Variants in MGAT4C observed in about 807,000 individuals in gnomAD.
MGAT4C encodes MGAT4 family member C, also known as alpha-1,3-mannosyl-glycoprotein 4-beta-N-acetylglucosaminyltransferase C.
Under a neutral mutation model 40.1 loss-of-function variants are expected in MGAT4C, and 19 were observed. That is an observed-to-expected ratio of 0.47 (90% CI 0.33 to 0.70). The LOEUF is 0.70. Ranked by LOEUF, MGAT4C falls within the 30% of genes least tolerant of loss-of-function variation. The pLI is 0.02. For synonymous variants in MGAT4C, 181 were observed against 187.1 expected (o/e 0.97, Z 0.27); for missense variants, 491 against 563.2 (o/e 0.87, Z 1.30).
At chr12:86,620,140 A>G (rs1310968440) in intron 2 of MGAT4C, among the ~76,000 whole-genome samples, 1 of 152,178 alleles carries the variant, frequency 6.6e-6, no homozygotes, top group African/African-American at 2.4e-5. Context: ...ACCTCTATGG[A>G]AAACAGTATG....
chr12:86,372,001 AT>A (rs928470710), intron 3 of MGAT4C, among the ~76,000 whole-genome samples: 45 of 151,180 alleles, frequency 3.0e-4, no homozygotes, highest in African/African-American at 1.0e-3. Flanking sequence ...GTTAATGAAG[AT>A]TTTTTTTTCA....
chr12:85,993,675 T>G (rs528279687), intron 2 of MGAT4C, among the ~76,000 whole-genome samples: 164 of 152,124 alleles, frequency 1.1e-3, no homozygotes, highest in Non-Finnish European at 2.0e-3. Flanking sequence ...TGGGACCAGA[T>G]GGTACTTTGG....
chr12:86,607,421 T>G (rs1365423017), intron 2 of MGAT4C, among the ~76,000 whole-genome samples: 1 of 152,136 alleles, frequency 6.6e-6, no homozygotes, highest in Non-Finnish European at 1.5e-5. Context: ...AGAATTAAAG[T>G]TACTCCTGTA....
intron 2 of MGAT4C, among the ~76,000 whole-genome samples, chr12:86,450,079 G>T (rs1252000836): frequency 6.6e-6 from 1 of 151,842 alleles, no homozygotes; most frequent in African/African-American, 2.4e-5. Context: ...TCTCATTTTT[G>T]CCCTATTTAT....
chr12:86,743,116 A>ATC (rs1555224674), intron 1 of MGAT4C, among the ~76,000 whole-genome samples: 2 of 144,486 alleles, frequency 1.4e-5, no homozygotes, highest in African/African-American at 5.1e-5. Flanking sequence ...GTGTGTATGC[A>ATC]TGTGTGTGTG....
At chr12:86,143,545 G>A (rs909111441) in intron 1 of MGAT4C, among the ~76,000 whole-genome samples, 2 of 152,088 alleles carry the variant, frequency 1.3e-5, no homozygotes, top group Admixed American at 1.3e-4. Context: ...AAAAATTTAC[G>A]CTTAGGGTAT....
At chr12:86,656,322 A>G (rs956769739) in intron 2 of MGAT4C, among the ~76,000 whole-genome samples, 5 of 152,174 alleles carry the variant, frequency 3.3e-5, no homozygotes, top group African/African-American at 1.2e-4. Flanking sequence ...TAACAATAAA[A>G]ACATTTTGAA....
At chr12:86,371,693 T>C (rs995208597) in intron 3 of MGAT4C, among the ~76,000 whole-genome samples, 1 of 152,116 alleles carries the variant, frequency 6.6e-6, no homozygotes, top group Non-Finnish European at 1.5e-5. Context: ...ATTTCTAGAC[T>C]GTGTTTCACT....
chr12:86,831,631 T>C (rs530506981), intron 1 of MGAT4C, among the ~76,000 whole-genome samples: 8 of 151,970 alleles, frequency 5.3e-5, no homozygotes. Context: ...TACGTAGTTA[T>C]CCAGGTGTCC....
Position 85,974,771 on chromosome 12 carries a change from A to T in MGAT4C, c.*4518T>A, listed in dbSNP as rs555593577. On this transcript the variant is annotated 3_prime_UTR_variant, in exon 5 of 5. Coordinates refer to ENST00000611864, the MANE Select transcript of MGAT4C (RefSeq NM_001351288.2). ...TCCTAAAAAGAATAACCCCAATCTGAACAAAGAAATTCAAAGTAATGGAAA... is the reference window on the plus strand; with the variant it reads ...TCCTAAAAAGAATAACCCCAATCTGTACAAAGAAATTCAAAGTAATGGAAA... 2.0e-5 allele frequency: 3 copies of T among 150,796 alleles called. No individual in the cohort carries two copies. In the East Asian group the frequency reaches 5.8e-4, roughly 29 times the overall value. The allele number at this position is 150,796 out of a possible 1,614,324, so 9.3% of individuals were successfully genotyped here. A position where few individuals can be genotyped will look rare whatever the true frequency, so the allele number is the denominator to read the frequency against.
chr12:86,073,770 G>A (rs9669304), intron 1 of MGAT4C, among the ~76,000 whole-genome samples: 1 of 152,132 alleles, frequency 6.6e-6, no homozygotes, highest in Non-Finnish European at 1.5e-5. Flanking sequence ...TAACTAGCTT[G>A]CTTTTGATAT....
chr12:86,803,878 A>G (rs1253729819), intron 1 of MGAT4C, among the ~76,000 whole-genome samples: 3 of 150,756 alleles, frequency 2.0e-5, no homozygotes. Flanking sequence ...GGGATCTAGA[A>G]CTAGAAATAC....
intron 1 of MGAT4C, among the ~76,000 whole-genome samples, chr12:86,762,238 A>G (rs1189670072): frequency 6.6e-6 from 1 of 151,902 alleles, no homozygotes; most frequent in East Asian, 1.9e-4. Context: ...TTTTGTAGAC[A>G]TGGGGTTTCA....
chr12:86,523,574 G>A (rs1048326072), intron 2 of MGAT4C, among the ~76,000 whole-genome samples: 8 of 152,116 alleles, frequency 5.3e-5, no homozygotes, highest in Non-Finnish European at 1.0e-4. Context: ...TTTTGGGAGT[G>A]GGGAGAGTTC....
At chr12:86,343,333 C>T (rs955624184) in intron 3 of MGAT4C, among the ~76,000 whole-genome samples, 12 of 152,126 alleles carry the variant, frequency 7.9e-5, no homozygotes, top group Admixed American at 2.0e-4. Context: ...ATCAATGTAT[C>T]GTCACCTCAA....
chr12:86,456,400 G>A (rs1957512319), intron 2 of MGAT4C, among the ~76,000 whole-genome samples: 1 of 152,154 alleles, frequency 6.6e-6, no homozygotes, highest in South Asian at 2.1e-4. Flanking sequence ...GATAGTAAAT[G>A]GCAGCCTGGC....
chr12:86,505,383 GTTTAA>G (rs1367723234), intron 2 of MGAT4C, among the ~76,000 whole-genome samples: 2 of 152,136 alleles, frequency 1.3e-5, no homozygotes, highest in African/African-American at 4.8e-5. Context: ...CGTAGATCAG[GTTTAA>G]TTTAACATCC....
intron 1 of MGAT4C, among the ~76,000 whole-genome samples, chr12:86,781,012 T>TTGTG (rs201109835): frequency 0.015 from 589 of 39,128 alleles, 5 homozygotes; most frequent in African/African-American, 0.024. Flanking sequence ...TGGCTGAGTA[T>TTGTG]TGTGTGTGTG....
At chr12:86,209,067 C>T (rs1950363162) in intron 1 of MGAT4C, among the ~76,000 whole-genome samples, 1 of 152,044 alleles carries the variant, frequency 6.6e-6, no homozygotes, top group South Asian at 2.1e-4. Context: ...CATAAGAACC[C>T]TGCATTAATA....
Sources: allele counts gnomAD v4.1 joint callset (sites outside exome capture counted in the v4.1 genomes callset), GRCh38; gene constraint gnomAD v4.1.1; transcripts MANE v1.5; gene names NCBI Gene and HGNC (gene_info 2026-07-23, HGNC 2026-07-21).